CA10: variants seen among roughly 807,000 people sequenced by gnomAD.
The protein encoded by CA10 is carbonic anhydrase-related protein 10.
A neutral mutation model predicts 44.2 loss-of-function variants in CA10; 14 were observed. That is an observed-to-expected ratio of 0.32 (90% confidence interval 0.21 to 0.50). The LOEUF is 0.50. Ranked by LOEUF, CA10 falls within the 20% of genes least tolerant of loss-of-function variation. The probability of loss-of-function intolerance (pLI) is 0.99; values close to 1 mark genes in which losing one functional copy is unlikely to be tolerated. For missense variants in CA10, 350 were observed against 409.7 expected (o/e 0.85, Z 1.26); for synonymous variants, 159 against 141.6 (o/e 1.12, Z -0.87).
chr17:51,942,458 T>G (rs946994681), intron 2 of CA10, among the ~76,000 whole-genome samples: 10 of 151,782 alleles, frequency 6.6e-5, no homozygotes, highest in Admixed American at 1.3e-4. Context: ...ACCAACACAT[T>G]TCACTTGTCC....
intron 3 of CA10, among the ~76,000 whole-genome samples, chr17:51,872,650 G>C (rs527874899): frequency 6.6e-6 from 1 of 152,156 alleles, no homozygotes; most frequent in Non-Finnish European, 1.5e-5. Context: ...CATTTACAGA[G>C]CTGTCTGGAG....
chr17:51,999,363 G>A (rs8081321), intron 2 of CA10, among the ~76,000 whole-genome samples: 331 of 152,150 alleles, frequency 2.2e-3, no homozygotes, highest in African/African-American at 7.5e-3. Context: ...AGCTAAGTTG[G>A]AATTTTGTTT....
At chr17:52,134,060 C>T (rs1989298470) in intron 1 of CA10, among the ~76,000 whole-genome samples, 2 of 152,200 alleles carry the variant, frequency 1.3e-5, no homozygotes, top group South Asian at 2.1e-4. Flanking sequence ...GGCTGTAAAG[C>T]AGAATGTTTC....
chr17:51,936,164 C>T (rs1374605601), intron 2 of CA10, among the ~76,000 whole-genome samples: 2 of 152,146 alleles, frequency 1.3e-5, no homozygotes, highest in Non-Finnish European at 2.9e-5. Flanking sequence ...AAAGTTGATG[C>T]AACAAATCTT....
intron 4 of CA10, among the ~76,000 whole-genome samples, chr17:51,660,318 A>C (rs1381632781): frequency 6.6e-6 from 1 of 152,318 alleles, no homozygotes; most frequent in East Asian, 1.9e-4. Context: ...ACCAGAGGCA[A>C]AGTTTCTCCT....
chr17:51,778,566 C>CA (rs890512074), intron 3 of CA10, among the ~76,000 whole-genome samples: 1 of 152,212 alleles, frequency 6.6e-6, no homozygotes, highest in African/African-American at 2.4e-5. Flanking sequence ...GCAGAAAACA[C>CA]ACCTTGACCA....
At chr17:51,739,458 T>C (rs1341284584) in intron 4 of CA10, among the ~76,000 whole-genome samples, 1 of 152,142 alleles carries the variant, frequency 6.6e-6, no homozygotes, top group Admixed American at 6.5e-5. Flanking sequence ...TTTCTTCCGA[T>C]GAAGCATCAG....
At chr17:51,886,951 C>T (rs561889520) in intron 3 of CA10, among the ~76,000 whole-genome samples, 1 of 152,044 alleles carries the variant, frequency 6.6e-6, no homozygotes, top group Non-Finnish European at 1.5e-5. Flanking sequence ...CTTATGCCAT[C>T]AGCTCCCCCT....
intron 3 of CA10, among the ~76,000 whole-genome samples, chr17:51,897,538 G>C (rs954126315): frequency 6.6e-6 from 1 of 152,028 alleles, no homozygotes; most frequent in Non-Finnish European, 1.5e-5. Flanking sequence ...TGATTGCTTT[G>C]CATATTCAGG....
At chr17:51,695,562 C>T (rs902490307) in intron 4 of CA10, among the ~76,000 whole-genome samples, 1 of 152,140 alleles carries the variant, frequency 6.6e-6, no homozygotes, top group African/African-American at 2.4e-5. Context: ...GTGCCAGGAG[C>T]TTTTTGACAG....
chr17:51,826,618 C>CCA (rs565923145), intron 3 of CA10, among the ~76,000 whole-genome samples: 11 of 152,146 alleles, frequency 7.2e-5, no homozygotes, highest in African/African-American at 2.6e-4. Context: ...GCTCCTGCCT[C>CCA]CACTCTTTCC....
At chr17:51,733,159 A>G (rs548499269) in intron 4 of CA10, among the ~76,000 whole-genome samples, 1 of 152,200 alleles carries the variant, frequency 6.6e-6, no homozygotes, top group Non-Finnish European at 1.5e-5. Context: ...GTGCAGCCCT[A>G]AGGTAGCACA....
chr17:52,124,966 A>G (rs1330012378), intron 1 of CA10, among the ~76,000 whole-genome samples: 1 of 152,070 alleles, frequency 6.6e-6, no homozygotes, highest in Non-Finnish European at 1.5e-5. Context: ...CTTCTCCTAT[A>G]CCTACCATGC....
chr17:51,710,563 G>C (rs1915903744), intron 4 of CA10, among the ~76,000 whole-genome samples: 1 of 152,058 alleles, frequency 6.6e-6, no homozygotes, highest in Admixed American at 6.6e-5. Flanking sequence ...CTTTGCCTGG[G>C]GTGTTACCAC....
intron 4 of CA10, among the ~76,000 whole-genome samples, chr17:51,721,128 G>A (rs1032091283): frequency 6.6e-6 from 1 of 152,032 alleles, no homozygotes; most frequent in Non-Finnish European, 1.5e-5. Flanking sequence ...TCAGGAGTTT[G>A]AGACCAGCCT....
At chr17:52,083,528 T>C (rs1310204398) in intron 1 of CA10, among the ~76,000 whole-genome samples, 1 of 152,212 alleles carries the variant, frequency 6.6e-6, no homozygotes, top group Non-Finnish European at 1.5e-5. Flanking sequence ...ATGGGTATAT[T>C]ATACTCCTTA....
intron 3 of CA10, among the ~76,000 whole-genome samples, chr17:51,764,356 TC>T (rs1440257413): frequency 1.3e-5 from 2 of 152,170 alleles, no homozygotes; most frequent in African/African-American, 4.8e-5. Context: ...TCCTATGACT[TC>T]CTTAACTTAA....
intron 4 of CA10, among the ~76,000 whole-genome samples, chr17:51,655,466 T>C (rs969565363): frequency 2.6e-5 from 4 of 152,198 alleles, no homozygotes; most frequent in Non-Finnish European, 5.9e-5. Context: ...AGTTGAGAAA[T>C]GTGATGATCA....
intron 2 of CA10, among the ~76,000 whole-genome samples, chr17:52,022,176 C>T (rs1986162833): frequency 6.6e-6 from 1 of 152,030 alleles, no homozygotes; most frequent in African/African-American, 2.4e-5. Flanking sequence ...AAACTACTAT[C>T]CCTGAAGAAC....
Sources: allele counts gnomAD v4.1 joint callset (sites outside exome capture counted in the v4.1 genomes callset), GRCh38; gene constraint gnomAD v4.1.1; transcripts MANE v1.5; gene names NCBI Gene and HGNC (gene_info 2026-07-23, HGNC 2026-07-21).